The following NUCB1 variants were observed in gnomAD, a reference collection of about 807,000 sequenced individuals.
NUCB1 encodes the protein nucleobindin-1.
Under a neutral mutation model 61.2 loss-of-function variants are expected in NUCB1, and 47 were observed. That is an observed-to-expected ratio of 0.77 (90% CI 0.61 to 0.98). NUCB1 has a LOEUF of 0.98. NUCB1 is among the 50% of genes least tolerant of loss of function. NUCB1 has a pLI of 0.00. For synonymous variants in NUCB1, 234 were observed against 243.1 expected (o/e 0.96, Z 0.35); for missense variants, 583 against 605.3 (o/e 0.96, Z 0.39).
chr19:48,904,527 CTTTTT>C, intron 3 of NUCB1, 73 bp downstream of exon 3: 37 of 585,982 alleles, frequency 6.3e-5, no homozygotes, highest in Non-Finnish European at 7.6e-5. Context: ...GGACTGGTTT[CTTTTT>C]TTTTTTTTTT....
chr19:48,901,415 C>A (rs1160094126), intron 2 of NUCB1, among the ~76,000 whole-genome samples: 1 of 152,124 alleles, frequency 6.6e-6, no homozygotes, highest in Non-Finnish European at 1.5e-5. Context: ...CTTTGGAGAT[C>A]CTGAAGGTCA....
At chr19:48,915,091 GA>G (rs920052450) in intron 7 of NUCB1, among the ~76,000 whole-genome samples, 2 of 151,742 alleles carry the variant, frequency 1.3e-5, no homozygotes, top group Non-Finnish European at 2.9e-5. Context: ...AAAAAACAAA[GA>G]AAAAAATAAA....
chr19:48,919,913 C>T (rs943642144), intron 10 of NUCB1, among the ~76,000 whole-genome samples: 3 of 151,758 alleles, frequency 2.0e-5, no homozygotes, highest in Non-Finnish European at 4.4e-5. Context: ...GGATTACAGG[C>T]GTGAGCCACC....
rs367567544 is a variant in NUCB1, at chr19:48,902,162, G to A, written c.135+1231G>A. 1.8e-4 allele frequency among the ~76,000 whole-genome samples: 28 copies of A among 152,280 alleles called. 1 individual carries two copies. In the South Asian group the frequency reaches 3.3e-3, roughly 18 times the overall value. On this transcript the variant is annotated intron_variant, in intron 2 of 12. Transcript: ENST00000405315. ...TTTCTCGCTCTGTCACCAGGCTGGAGTGCAGTGGTGCAATCTTGGCTCACT... is the reference window on the plus strand; with the variant it reads ...TTTCTCGCTCTGTCACCAGGCTGGAATGCAGTGGTGCAATCTTGGCTCACT...
chr19:48,921,701 C>A, intron 11 of NUCB1, 126 bp from the exon 12 acceptor site: 1 of 846,618 alleles, frequency 1.2e-6, no homozygotes, highest in Non-Finnish European at 2.0e-6. Context: ...CTGAGGCCCA[C>A]GGAGAAGGGG....
chr19:48,912,991 G>T lies in NUCB1; in HGVS notation c.481-20G>T. Reference sequence around the variant, plus strand: ...CTGGGCAGAGGGGGCAGAGGGGAATGACCCTGTGCCTTTCCCCAGGCCACC... The same window carrying T: ...CTGGGCAGAGGGGGCAGAGGGGAATTACCCTGTGCCTTTCCCCAGGCCACC... On this transcript the variant is annotated intron_variant, in intron 5 of 12. Coordinates refer to ENST00000405315, the MANE Select transcript of NUCB1 (RefSeq NM_006184.6). The T allele has an allele frequency of 6.3e-7, 1 of 1,579,150 alleles. No homozygotes were observed. The highest frequency in any genetic ancestry group is 1.1e-5 in the South Asian group (1 of 87,644).
chr19:48,911,342 C>T, intron 5 of NUCB1, 90 bp downstream of exon 5: 1 of 842,652 alleles, frequency 1.2e-6, no homozygotes, highest in East Asian at 2.6e-5. Context: ...GCCAGCTCAC[C>T]ATTCCTGCTG....
At position 48,913,571 on chromosome 19, in the gene NUCB1, TG is replaced by T; in HGVS notation, c.757+11del. ...ACCTTCTTCATACTGCATGGTAAGG[TG>T]GGGAGGGAGTTCCAGAGCCAGGATG... On this transcript the variant is annotated splice_region_variant and intron_variant, in intron 7 of 12. Transcript: ENST00000405315. 1 of 1,610,752 alleles carries T rather than the reference TG, an allele frequency of 6.2e-7. No homozygotes were observed. Among genetic ancestry groups the T allele is most frequent in the Non-Finnish European group, 8.5e-7 (1 of 1,177,124 alleles).
chr19:48,908,991 C>T (rs1228808435), intron 4 of NUCB1, among the ~76,000 whole-genome samples: 2 of 151,932 alleles, frequency 1.3e-5, no homozygotes, highest in African/African-American at 2.4e-5. Context: ...TTGCTGAGGC[C>T]GCTGTAACCA....
At position 48,922,180 on chromosome 19, in the gene NUCB1, G is replaced by C. The variant is rs2037618245; in HGVS notation, c.1280-138G>C. ...GGGTGTGAGTGAGGAGGGGCTGGGG[G>C]CTGGACCCCTGGGTGTGAGGGAGGA... is the stretch of plus-strand genomic sequence containing the variant. On this transcript the variant is annotated intron_variant, in intron 12 of 12. Transcript: ENST00000405315. 5 of 702,694 alleles carry C rather than the reference G, an allele frequency of 7.1e-6. No homozygotes were observed. The East Asian group carries it at 1.0e-4, about 15-fold the overall frequency. 43.5% of individuals were successfully genotyped at this position (702,694 alleles called of 1,614,324 possible).
chr19:48,914,615 C>T (rs1306375656), intron 7 of NUCB1, among the ~76,000 whole-genome samples: 4 of 152,140 alleles, frequency 2.6e-5, no homozygotes, highest in East Asian at 1.9e-4. Context: ...TAGCATTTTA[C>T]GTAAGCTGCC....
In NUCB1 at chr19:48,921,281, G is replaced by T; in HGVS notation, c.1130G>T (p.Arg377Leu). 1 of 1,602,622 alleles carries T rather than the reference G, an allele frequency of 6.2e-7. No homozygotes were observed. The highest frequency in any genetic ancestry group is 8.5e-7 in the Non-Finnish European group (1 of 1,175,262). Residue 377 changes from arginine to leucine, a missense_variant, in exon 11 of 13, where the codon CGG becomes CTG. By Grantham distance (102) the Arg-to-Leu change is moderately radical (BLOSUM62 -2). Transcript: ENST00000405315. ...AGCCAGGAGACAGAGGCTCTAGGGC[G>T]GTCCCAGGGCCGCCTGGAGGCCCAG... ...RLSQETEALG[R>L]SQGRLEAQKR... is the part of the protein sequence containing the mutation.
chr19:48,912,859 AAAAG>A, intron 5 of NUCB1, 148 bp from the exon 6 acceptor site: 2 of 455,168 alleles, frequency 4.4e-6, no homozygotes, highest in South Asian at 5.4e-5. Flanking sequence ...AAAAAAAAAA[AAAAG>A]GGACATTAGG....
At chr19:48,911,340 A>C in intron 5 of NUCB1, 88 bp downstream of exon 5, 35 of 851,816 alleles carry the variant, frequency 4.1e-5, no homozygotes, top group Middle Eastern at 3.2e-4. Flanking sequence ...GAGCCAGCTC[A>C]CCATTCCTGC....
At chr19:48,909,794 A>C (rs2122179773) in intron 4 of NUCB1, among the ~76,000 whole-genome samples, 1 of 152,146 alleles carries the variant, frequency 6.6e-6, no homozygotes, top group East Asian at 1.9e-4. Flanking sequence ...CTCCCACCTC[A>C]GTCTCCCAAA....
At chr19:48,912,007 G>A (rs1033817918) in intron 5 of NUCB1, among the ~76,000 whole-genome samples, 1 of 146,538 alleles carries the variant, frequency 6.8e-6, no homozygotes, top group South Asian at 2.1e-4. Context: ...TTCTTTTTTT[G>A]GTTTATTTTT....
intron 2 of NUCB1, among the ~76,000 whole-genome samples, chr19:48,901,485 C>T (rs1295644240): frequency 6.6e-6 from 1 of 152,194 alleles, no homozygotes; most frequent in Non-Finnish European, 1.5e-5. Context: ...CTGGTCAGGC[C>T]AGGCGCAGTG....
chr19:48,911,115 G>A, intron 4 of NUCB1, 34 bp from the exon 5 acceptor site: 1 of 1,475,156 alleles, frequency 6.8e-7, no homozygotes, highest in Non-Finnish European at 9.5e-7. Context: ...GAAAGAACAT[G>A]CCCTCAGGTG....
At chr19:48,911,770 ACT>A (rs779109038) in intron 5 of NUCB1, among the ~76,000 whole-genome samples, 5 of 151,286 alleles carry the variant, frequency 3.3e-5, no homozygotes, top group Admixed American at 3.3e-4. Context: ...ATCTGCAAAC[ACT>A]CTATTTCCAA....
Sources: gnomAD v4.1 joint callset for allele counts (sites outside exome capture counted in the v4.1 genomes callset) on GRCh38, gnomAD v4.1.1 for gene constraint, MANE v1.5 for transcripts, NCBI Gene and HGNC (gene_info 2026-07-23, HGNC 2026-07-21) for gene names.